RASGRF1: variants seen among roughly 807,000 people sequenced by gnomAD.
The protein encoded by RASGRF1 is ras-specific guanine nucleotide-releasing factor 1.
RASGRF1 carries 40 observed loss-of-function variants against 138.7 expected under a neutral mutation model. The observed-to-expected ratio is 0.29, with a 90% CI of 0.22 to 0.38. The LOEUF (loss-of-function observed/expected upper bound fraction) is 0.38, where lower values mean the gene tolerates loss of function less well. RASGRF1 is among the 10% of genes least tolerant of loss of function. RASGRF1 has a pLI of 1.00. For missense variants in RASGRF1, 1,108 were observed against 1,650.4 expected (o/e 0.67, Z 5.69); for synonymous variants, 614 against 663.2 (o/e 0.93, Z 1.14).
Position 78,962,110 on chromosome 15 carries a change from C to G in RASGRF1, c.*34G>C. 1 of 1,357,276 alleles carries G rather than the reference C, an allele frequency of 7.4e-7. No individual in the cohort carries two copies. Among genetic ancestry groups the G allele is most frequent in the Non-Finnish European group, 1.0e-6 (1 of 963,892 alleles). The allele number at this position is 1,357,276 out of a possible 1,614,324, so 84.1% of individuals were successfully genotyped here. A position where few individuals can be genotyped will look rare whatever the true frequency, so the allele number is the denominator to read the frequency against. ...TGTACAGTATCATCTAGCACATGTC[C>G]CCGGGAGCAGCTGGGTCTGGGCTGG... On this transcript the variant is annotated 3_prime_UTR_variant, in exon 27 of 27. Transcript: ENST00000558480.
In RASGRF1 at chr15:79,008,576, A is replaced by G. The variant is rs545660034; in HGVS notation, c.1827-2142T>C. Among the ~76,000 whole-genome samples, 5 of 152,362 alleles carry G rather than the reference A, an allele frequency of 3.3e-5. No homozygotes were observed. In the South Asian group the frequency reaches 1.0e-3, roughly 32 times the overall value. ...AGGTCAGAAGGATTTCCTGGACATGAAAAACAAGAGTGCTAAATTGAAGGC... is the reference window on the plus strand; with the variant it reads ...AGGTCAGAAGGATTTCCTGGACATGGAAAACAAGAGTGCTAAATTGAAGGC... On this transcript the variant is annotated intron_variant, in intron 13 of 26. Transcript: ENST00000558480.
At chr15:79,062,637 C>G (rs182656142) in intron 2 of RASGRF1, among the ~76,000 whole-genome samples, 5 of 152,278 alleles carry the variant, frequency 3.3e-5, no homozygotes, top group Non-Finnish European at 5.9e-5. Context: ...CTGGTTCAAG[C>G]AATTCTCCTG....
chr15:79,064,029 A>G (rs907090219), intron 2 of RASGRF1, among the ~76,000 whole-genome samples: 2 of 152,174 alleles, frequency 1.3e-5, no homozygotes, highest in Non-Finnish European at 2.9e-5. Flanking sequence ...TGAGAAAACC[A>G]AGGTCCAGAG....
In RASGRF1 at chr15:78,973,448, T is replaced by C; in HGVS notation, c.3495-28A>G. The C allele has an allele frequency of 1.3e-6, 2 of 1,519,632 alleles. No individual in the cohort carries two copies. Among genetic ancestry groups the C allele is most frequent in the Non-Finnish European group, 9.1e-7 (1 of 1,103,282 alleles). The allele number at this position is 1,519,632 out of a possible 1,614,324, so 94.1% of individuals were successfully genotyped here. A position where few individuals can be genotyped will look rare whatever the true frequency, so the allele number is the denominator to read the frequency against. On this transcript the variant is annotated intron_variant, in intron 24 of 26. Transcript: ENST00000558480. This position sits in a 1 kb window ranked among gnomAD's most constrained non-coding sequence, Gnocchi z 4.9. ...TGGAAGCAAACGGCATTAACACAAG[T>C]TTTTCATTTTAAAAAAGTAACGTCT... is the stretch of plus-strand genomic sequence containing the variant.
chr15:79,086,454 C>T (rs2057981093), intron 1 of RASGRF1, among the ~76,000 whole-genome samples: 1 of 152,082 alleles, frequency 6.6e-6, no homozygotes, highest in Non-Finnish European at 1.5e-5. Flanking sequence ...AACCTCGGGG[C>T]TGTTGTTGAT....
intron 11 of RASGRF1, among the ~76,000 whole-genome samples, chr15:79,018,869 T>G (rs2056918383): frequency 6.6e-6 from 1 of 152,122 alleles, no homozygotes; most frequent in Admixed American, 6.5e-5. Flanking sequence ...GGCCTGACAG[T>G]GCCACTTGAG....
intron 1 of RASGRF1, among the ~76,000 whole-genome samples, chr15:79,068,122 C>T (rs933334209): frequency 6.6e-6 from 1 of 152,116 alleles, no homozygotes; most frequent in African/African-American, 2.4e-5. Context: ...AGCCCAGCCA[C>T]GGTGGAGGTA....
At chr15:79,080,200 TCTC>T (rs1282510832) in intron 1 of RASGRF1, among the ~76,000 whole-genome samples, 1 of 152,222 alleles carries the variant, frequency 6.6e-6, no homozygotes, top group Non-Finnish European at 1.5e-5. Context: ...ATTACTTGCT[TCTC>T]CTCACTGGTG....
intron 1 of RASGRF1, among the ~76,000 whole-genome samples, chr15:79,078,374 T>A (rs1566970484): frequency 6.6e-6 from 1 of 152,188 alleles, no homozygotes; most frequent in Non-Finnish European, 1.5e-5. Flanking sequence ...ATGCAGTGCA[T>A]GCTCACCAAC....
chr15:79,000,665 A>G (rs74027004), intron 16 of RASGRF1, among the ~76,000 whole-genome samples: 6,154 of 152,266 alleles, frequency 0.04, 411 homozygotes, highest in African/African-American at 0.14. Flanking sequence ...CTTTGGTTTC[A>G]TCTTGTCTCT....
chr15:78,969,990 C>T (rs766967994), intron 26 of RASGRF1, among the ~76,000 whole-genome samples: 6 of 152,128 alleles, frequency 3.9e-5, no homozygotes, highest in Admixed American at 6.5e-5. Flanking sequence ...GTAGTTAGTC[C>T]ACTGATTTTT....
In RASGRF1 at chr15:78,973,642, C is replaced by T. The variant is rs1306086737; in HGVS notation, c.3495-222G>A. On this transcript the variant is annotated intron_variant, in intron 24 of 26. Coordinates refer to ENST00000558480, the MANE Select transcript of RASGRF1 (RefSeq NM_001145648.3). This position sits in a 1 kb window ranked among gnomAD's most constrained non-coding sequence, Gnocchi z 4.9. ...GGTGGTGGGGGCAACATGGTGCTGA[C>T]TGGGGCCTCTTACACCCACTGGGGC... is the stretch of plus-strand genomic sequence containing the variant. Among the ~76,000 whole-genome samples the T allele has an allele frequency of 6.6e-6, 1 of 152,104 alleles. No homozygotes were observed. Among genetic ancestry groups the T allele is most frequent in the Non-Finnish European group, 1.5e-5 (1 of 68,022 alleles).
intron 1 of RASGRF1, among the ~76,000 whole-genome samples, chr15:79,083,748 T>C (rs1030401922): frequency 1.3e-5 from 2 of 152,210 alleles, no homozygotes; most frequent in African/African-American, 4.8e-5. Flanking sequence ...ACTTGCTCTG[T>C]AACTTTGAAC....
intron 2 of RASGRF1, among the ~76,000 whole-genome samples, chr15:79,060,151 C>T (rs932215660): frequency 6.6e-6 from 1 of 152,166 alleles, no homozygotes; most frequent in Non-Finnish European, 1.5e-5. Flanking sequence ...CACTGCTCAA[C>T]AAGCCTCAGC....
At chr15:79,052,338 C>A (rs1224990127) in intron 3 of RASGRF1, among the ~76,000 whole-genome samples, 1 of 152,212 alleles carries the variant, frequency 6.6e-6, no homozygotes, top group Non-Finnish European at 1.5e-5. Context: ...TCTTTGTTAG[C>A]AGCCAATGGT....
At chr15:78,970,780 T>G (rs58911914) in intron 26 of RASGRF1, among the ~76,000 whole-genome samples, 16,376 of 151,326 alleles carry the variant, frequency 0.11, 981 homozygotes, top group African/African-American at 0.15. Context: ...ATGCCAACCA[T>G]TCTTTTTTAT....
Position 78,961,897 on chromosome 15 carries a change from A to C in RASGRF1, c.*247T>G, listed in dbSNP as rs1010296449. On this transcript the variant is annotated 3_prime_UTR_variant, in exon 27 of 27. Coordinates refer to ENST00000558480, the MANE Select transcript of RASGRF1 (RefSeq NM_001145648.3). ...GAGAAGAGTGAGGAGTCTAGGGAAG[A>C]GGGACCAAGAGTACAGCTGTTTAAA... The C allele has an allele frequency of 3.0e-5, 13 of 435,076 alleles. No homozygotes were observed. Among genetic ancestry groups the C allele is most frequent in the African/African-American group, 2.5e-4 (12 of 47,568 alleles). 27.0% of individuals were successfully genotyped at this position (435,076 alleles called of 1,614,324 possible). A position where few individuals can be genotyped will look rare whatever the true frequency, so the allele number is the denominator to read the frequency against.
chr15:79,075,421 C>T (rs1292572092), intron 1 of RASGRF1, among the ~76,000 whole-genome samples: 5 of 152,176 alleles, frequency 3.3e-5, no homozygotes, highest in Non-Finnish European at 5.9e-5. Flanking sequence ...GTATGTCCTT[C>T]CTGGCCCCAG....
At chr15:78,978,647 T>G in intron 24 of RASGRF1, 1 of 1,010,162 alleles carries the variant, frequency 9.9e-7, no homozygotes, top group Non-Finnish European at 1.2e-6. Context: ...GCTATGCCCA[T>G]GGACTGCCAC....
Sources: gnomAD v4.1 joint callset for allele counts (sites outside exome capture counted in the v4.1 genomes callset) on GRCh38, gnomAD v4.1.1 for gene constraint, Gnocchi (gnomAD v3.1) non-coding constraint, MANE v1.5 for transcripts, NCBI Gene and HGNC (gene_info 2026-07-23, HGNC 2026-07-21) for gene names.